Variants in RPTOR observed in about 807,000 individuals in gnomAD.
RPTOR encodes regulatory associated protein of MTOR complex 1.
Under a neutral mutation model 169.9 loss-of-function variants are expected in RPTOR, and 21 were observed. The observed-to-expected ratio is 0.12, with a 90% CI of 0.09 to 0.18. The LOEUF is 0.18. Among genes scored for constraint, RPTOR ranks in the 10% least tolerant of loss-of-function variants. The pLI is 1.00. For missense variants in RPTOR, 1,133 were observed against 1,855.9 expected, an observed-to-expected ratio of 0.61 and a Z score of 7.16; for synonymous variants, 732 against 753.2, an observed-to-expected ratio of 0.97 and a Z score of 0.46.
At position 80,957,682 on chromosome 17, in the gene RPTOR, C is replaced by T. The variant is rs141612114; in HGVS notation, c.3429C>T (p.Asp1143=). 61 of 1,614,020 alleles carry T rather than the reference C, an allele frequency of 3.8e-5. No homozygotes were observed. Among genetic ancestry groups the T allele is most frequent in the Middle Eastern group, 1.6e-4 (1 of 6,084 alleles). Residue 1143 remains aspartate, a synonymous_variant, in exon 29 of 34, where the codon GAC becomes GAT. Coordinates refer to ENST00000306801, the MANE Select transcript of RPTOR (RefSeq NM_020761.3). The surrounding 1 kb of genome is among the most constrained non-coding windows in gnomAD (Gnocchi z 4.6). ...CCGGCCTCCTCATGAGCTCAGGAGACGTGCGGATCGTCCGGATCTGGGACA... is the reference window on the plus strand; with the variant it reads ...CCGGCCTCCTCATGAGCTCAGGAGATGTGCGGATCGTCCGGATCTGGGACA... ...QETGLLMSSG[D]VRIVRIWDTD...
At chr17:80,563,025 C>T (rs1243620397) in intron 1 of RPTOR, among the ~76,000 whole-genome samples, 1 of 152,116 alleles carries the variant, frequency 6.6e-6, no homozygotes, top group African/African-American at 2.4e-5. Context: ...AATAGTGGGC[C>T]GTTTCCATGG....
intron 1 of RPTOR, among the ~76,000 whole-genome samples, chr17:80,565,355 T>A (rs1478007322): frequency 6.6e-6 from 1 of 152,198 alleles, no homozygotes; most frequent in East Asian, 1.9e-4. Flanking sequence ...GCTGGATTGC[T>A]GCGGAATAAT....
intron 5 of RPTOR, among the ~76,000 whole-genome samples, chr17:80,743,079 CT>C (rs1177469146): frequency 6.6e-6 from 1 of 152,162 alleles, no homozygotes; most frequent in Non-Finnish European, 1.5e-5. Flanking sequence ...ATTAGATTGT[CT>C]TTGCGCACTG....
rs548627966 is a variant in RPTOR at position 80,763,819 on chromosome 17, A to G, written c.830+9634A>G. On this transcript the variant is annotated intron_variant, in intron 6 of 33. Coordinates refer to ENST00000306801, the MANE Select transcript of RPTOR (RefSeq NM_020761.3). ...AAAGGACAGCTTTAACAAAAGTCTG[A>G]AAACTAAAATCTTAAAATCCTTGGA... Among the ~76,000 whole-genome samples, 3 of 152,380 alleles carry G rather than the reference A, an allele frequency of 2.0e-5. No individual in the cohort carries two copies. The South Asian group carries it at 6.2e-4, about 32-fold the overall frequency.
At chr17:80,565,164 G>A (rs2084564272) in intron 1 of RPTOR, among the ~76,000 whole-genome samples, 3 of 152,136 alleles carry the variant, frequency 2.0e-5, no homozygotes, top group African/African-American at 7.2e-5. Context: ...GCCAATACCT[G>A]GAACGCATGT....
intron 27 of RPTOR, among the ~76,000 whole-genome samples, chr17:80,948,968 A>G (rs2069138371): frequency 6.6e-6 from 1 of 152,174 alleles, no homozygotes; most frequent in Non-Finnish European, 1.5e-5. Context: ...TGTGGAGCAC[A>G]GAGAGGAATG....
intron 3 of RPTOR, among the ~76,000 whole-genome samples, chr17:80,654,226 G>A (rs1411810596): frequency 2.6e-5 from 4 of 152,232 alleles, no homozygotes; most frequent in South Asian, 2.1e-4. Flanking sequence ...CACCCCGTGG[G>A]GTCTTAAACA....
chr17:80,602,502 T>G (rs2065197023), intron 1 of RPTOR: 5 of 378,652 alleles, frequency 1.3e-5, no homozygotes, highest in South Asian at 4.3e-5. Context: ...TTTTTTTTGG[T>G]GGGGGGGAGT....
intron 7 of RPTOR, among the ~76,000 whole-genome samples, chr17:80,814,394 G>T (rs1340929043): frequency 6.6e-6 from 1 of 152,080 alleles, no homozygotes; most frequent in Non-Finnish European, 1.5e-5. Context: ...GTGTATTCTT[G>T]GGTATTTTTT....
intron 33 of RPTOR, among the ~76,000 whole-genome samples, chr17:80,963,987 G>T (rs900570749): frequency 1.3e-5 from 2 of 152,154 alleles, no homozygotes; most frequent in African/African-American, 4.8e-5. Flanking sequence ...CTGCTGACAC[G>T]TGTGACATTG....
intron 21 of RPTOR, among the ~76,000 whole-genome samples, chr17:80,913,027 CGT>C (rs147211870): frequency 2.0e-5 from 3 of 151,782 alleles, no homozygotes; most frequent in East Asian, 3.9e-4. Context: ...TGTGTGCACG[CGT>C]GTGTGTGTGT....
At chr17:80,850,231 C>T (rs373071921) in intron 11 of RPTOR, among the ~76,000 whole-genome samples, 12 of 152,266 alleles carry the variant, frequency 7.9e-5, no homozygotes, top group African/African-American at 2.4e-4. Context: ...TTGGAGTCTC[C>T]GGTGCCTGTT....
In RPTOR at chr17:80,763,088, A is replaced by G. The variant is rs184276210; in HGVS notation, c.830+8903A>G. Among the ~76,000 whole-genome samples, 1,272 of 152,210 alleles carry G rather than the reference A, an allele frequency of 8.4e-3. 16 individuals are homozygous for G. The highest frequency in any genetic ancestry group is 0.028 in the African/African-American group (1,170 of 41,510). ...CAGCACGACCCTGTCTCTACTAAAA[A>G]TTTAAAAATTAGCTGGACATGGTGG... On this transcript the variant is annotated intron_variant, in intron 6 of 33. Transcript: ENST00000306801.
chr17:80,837,251 G>C (rs1289060412), intron 9 of RPTOR, among the ~76,000 whole-genome samples: 1 of 152,156 alleles, frequency 6.6e-6, no homozygotes, highest in Non-Finnish European at 1.5e-5. Flanking sequence ...GCAGCTCTAT[G>C]CATGGTAGGA....
At chr17:80,599,139 G>A (rs555966861) in intron 1 of RPTOR, among the ~76,000 whole-genome samples, 4 of 152,174 alleles carry the variant, frequency 2.6e-5, no homozygotes, top group South Asian at 2.1e-4. Flanking sequence ...GTTCCCTCCC[G>A]TTGAATCTGG....
At chr17:80,620,236 G>T (rs2065344758) in intron 1 of RPTOR, among the ~76,000 whole-genome samples, 1 of 152,126 alleles carries the variant, frequency 6.6e-6, no homozygotes, top group Non-Finnish European at 1.5e-5. Flanking sequence ...AACCTATGGG[G>T]ATATAACGAT....
intron 21 of RPTOR, among the ~76,000 whole-genome samples, chr17:80,918,536 A>G (rs1210156347): frequency 1.4e-5 from 1 of 71,084 alleles, no homozygotes; most frequent in East Asian, 3.2e-4. Context: ...GGTCATAGCC[A>G]TGAGCACCCT....
intron 5 of RPTOR, among the ~76,000 whole-genome samples, chr17:80,738,085 G>A (rs1183772674): frequency 6.6e-6 from 1 of 152,184 alleles, no homozygotes; most frequent in Non-Finnish European, 1.5e-5. Flanking sequence ...AAGGAAATAG[G>A]TCACGGGAGA....
chr17:80,758,252 C>G (rs1178925377), intron 6 of RPTOR, among the ~76,000 whole-genome samples: 1 of 152,134 alleles, frequency 6.6e-6, no homozygotes, highest in East Asian at 1.9e-4. Context: ...TGTTGTGTTC[C>G]CAGAGGACAG....
Sources: gnomAD v4.1 joint callset for allele counts (sites outside exome capture counted in the v4.1 genomes callset) on GRCh38, gnomAD v4.1.1 for gene constraint, Gnocchi (gnomAD v3.1) non-coding constraint, MANE v1.5 for transcripts, NCBI Gene and HGNC (gene_info 2026-07-23, HGNC 2026-07-21) for gene names.